AZIN1: variants seen among roughly 807,000 people sequenced by gnomAD.
AZIN1 encodes the protein ornithine decarboxylase antizyme inhibitor.
In AZIN1, 12 loss-of-function variants were observed where a neutral mutation model predicts 47.4. The observed-to-expected ratio is 0.25, with a 90% CI of 0.16 to 0.41. AZIN1 has a LOEUF of 0.41. Among genes scored for constraint, AZIN1 ranks in the 10% least tolerant of loss-of-function variants. The probability of loss-of-function intolerance (pLI) is 1.00; values close to 1 mark genes in which losing one functional copy is unlikely to be tolerated. For missense variants in AZIN1, 410 were observed against 532.4 expected (o/e 0.77, Z 2.26); for synonymous variants, 155 against 176.3 (o/e 0.88, Z 0.96).
chr8:102,861,571 G>T (rs975199999), intron 1 of AZIN1, among the ~76,000 whole-genome samples: 20 of 151,836 alleles, frequency 1.3e-4, no homozygotes, highest in Non-Finnish European at 2.4e-4. Context: ...TCACCTAATG[G>T]GCTACTACTC....
rs943950327 is a variant in AZIN1, at chr8:102,828,757, C to CAGGATTATA, written c.1236-88_1236-80dup. 4.5e-5 allele frequency: 39 copies of CAGGATTATA among 864,654 alleles called. 1 individual carries two copies. Among genetic ancestry groups the CAGGATTATA allele is most frequent in the Non-Finnish European group, 7.1e-5 (39 of 551,450 alleles). The allele number at this position is 864,654 out of a possible 1,614,324, so 53.6% of individuals were successfully genotyped here. ...ATCACATAACAAATGGATAATAAAA[C>CAGGATTATA]AGGATTATAACTAGTCTTCCAAAAA... On this transcript the variant is annotated intron_variant, in intron 11 of 11. Transcript: ENST00000337198.
At chr8:102,833,422 T>C (rs1165105670) in intron 8 of AZIN1, among the ~76,000 whole-genome samples, 1 of 152,190 alleles carries the variant, frequency 6.6e-6, no homozygotes, top group African/African-American at 2.4e-5. Context: ...CAGAATGGCA[T>C]TAATTTTAAA....
At chr8:102,834,560 C>T (rs937619509) in intron 7 of AZIN1, 106 bp downstream of exon 7, 24 of 822,496 alleles carry the variant, frequency 2.9e-5, no homozygotes, top group Non-Finnish European at 4.7e-5. Flanking sequence ...GTGTGTGTCA[C>T]GTTGAATGTA....
intron 3 of AZIN1, among the ~76,000 whole-genome samples, chr8:102,843,184 C>T (rs1175597746): frequency 4.4e-5 from 6 of 136,146 alleles, no homozygotes; most frequent in African/African-American, 1.4e-4. Context: ...CCAGCCTGGG[C>T]GACAGCGTGA....
rs1479011155 is a variant in AZIN1 at position 102,828,633 on chromosome 8, C to G, written c.1281G>C (p.Lys427Asn). The change falls in exon 12 of 12, where the codon AAG (lysine) becomes AAC (asparagine). Residue 427 changes from lysine to asparagine, a missense_variant. Physicochemically the swap from Lys to Asn is moderately conservative, Grantham distance 94. This residue lies in a region of AZIN1 where 168 missense variants were observed against 198.3 expected (regional missense o/e 0.85). Coordinates refer to ENST00000337198, the MANE Select transcript of AZIN1 (RefSeq NM_148174.4). ...TGCAAGAAGGCACAAAGAAGAAGTT[C>G]TTCATCATTGAGTCTGAAGTAATTC... ...DAGITSDSMM[K>N]NFFFVPSCIQ... 1 of 1,611,568 alleles carries G rather than the reference C, an allele frequency of 6.2e-7. No homozygotes were observed. Among genetic ancestry groups the G allele is most frequent in the East Asian group, 2.2e-5 (1 of 44,816 alleles).
chr8:102,861,511 C>A (rs1467715776), intron 1 of AZIN1, among the ~76,000 whole-genome samples: 1 of 151,802 alleles, frequency 6.6e-6, no homozygotes, highest in Admixed American at 6.6e-5. Flanking sequence ...CTTGAGCCAC[C>A]GCGCCCGGCC....
At chr8:102,859,142 ATCAC>A in intron 1 of AZIN1, 1 of 151,688 alleles carries the variant, frequency 6.6e-6, no homozygotes, top group African/African-American at 2.4e-5. Context: ...GGAGAAGCTG[ATCAC>A]ATGCTCAATG....
At chr8:102,846,007 G>A (rs1812546624) in intron 2 of AZIN1, among the ~76,000 whole-genome samples, 1 of 152,174 alleles carries the variant, frequency 6.6e-6, no homozygotes, top group African/African-American at 2.4e-5. Context: ...GATGTTCAAT[G>A]AGGACTTAAT....
chr8:102,828,078 A>G lies in AZIN1; in HGVS notation c.*489T>C, dbSNP rs1458840241. On this transcript the variant is annotated 3_prime_UTR_variant, in exon 12 of 12. Transcript: ENST00000337198. ...AACAAATACTATGATGCAATTTTAC[A>G]TTTATTAAACTACAGTTCAAAGCAC... is the stretch of plus-strand genomic sequence containing the variant. 3 of 152,742 alleles carry G rather than the reference A, an allele frequency of 2.0e-5. No homozygotes were observed. Among genetic ancestry groups the G allele is most frequent in the African/African-American group, 7.2e-5 (3 of 41,476 alleles). The allele number at this position is 152,742 out of a possible 1,614,324, so 9.5% of individuals were successfully genotyped here.
At chr8:102,837,085 ATT>A in intron 5 of AZIN1, among the ~76,000 whole-genome samples, 1 of 151,726 alleles carries the variant, frequency 6.6e-6, no homozygotes. Context: ...CGCCCAGCTA[ATT>A]TTTTTTATTT....
rs1364936747 is a variant in AZIN1, at chr8:102,836,373, G to A, written c.467C>T (p.Ala156Val). 11 of 1,613,840 alleles carry A rather than the reference G, an allele frequency of 6.8e-6. No individual in the cohort carries two copies. The South Asian group carries it at 8.8e-5, about 13-fold the overall frequency. ...HPNAKVLLHIATEDNIGGEEG... is the reference protein window; with the variant it reads ...HPNAKVLLHIVTEDNIGGEEG... ...TTCACCTCCAATATTATCTTCTGTT[G>A]CAATATGTAGTAAGACCCTAAGAGA... is the stretch of plus-strand genomic sequence containing the variant. Residue 156 changes from alanine (A) to valine (V), a missense_variant, in exon 6 of 12, where the codon GCA becomes GTA. Physicochemically the swap from Ala to Val is moderately conservative, Grantham distance 64. Transcript: ENST00000337198.
chr8:102,837,059 C>G (rs1189824248), intron 5 of AZIN1, among the ~76,000 whole-genome samples: 1 of 152,092 alleles, frequency 6.6e-6, no homozygotes, highest in African/African-American at 2.4e-5. Flanking sequence ...GCTGGAAATA[C>G]AAGGGTGCAC....
chr8:102,850,968 G>C (rs1223892514), intron 2 of AZIN1, among the ~76,000 whole-genome samples: 1 of 152,096 alleles, frequency 6.6e-6, no homozygotes, highest in Non-Finnish European at 1.5e-5. Context: ...TTAAAATGTA[G>C]CTTAATGAGA....
Position 102,828,642 on chromosome 8 carries a change from T to G in AZIN1, c.1272A>C (p.Ser424=). Residue 424 remains serine (S), a synonymous_variant, in exon 12 of 12, where the codon TCA becomes TCC. Coordinates refer to ENST00000337198, the MANE Select transcript of AZIN1 (RefSeq NM_148174.4). ...GCACAAAGAAGAAGTTCTTCATCAT[T>G]GAGTCTGAAGTAATTCCAGCATCTT... The part of the protein sequence containing the change: ...EMQDAGITSD[S]MMKNFFFVPS... The G allele has an allele frequency of 1.2e-6, 2 of 1,611,338 alleles. No individual in the cohort carries two copies. Among genetic ancestry groups the G allele is most frequent in the Non-Finnish European group, 1.7e-6 (2 of 1,177,994 alleles).
At chr8:102,831,500 G>A (rs948008462) in intron 9 of AZIN1, among the ~76,000 whole-genome samples, 3 of 151,438 alleles carry the variant, frequency 2.0e-5, no homozygotes, top group East Asian at 3.9e-4. Context: ...AAATCTAGCC[G>A]GGTGTGGTGG....
Position 102,838,988 on chromosome 8 carries a change from T to C in AZIN1, c.277-72A>G, listed in dbSNP as rs548039819. 528 of 1,341,322 alleles carry C rather than the reference T, an allele frequency of 3.9e-4. No individual in the cohort carries two copies. In the Middle Eastern group the frequency reaches 7.9e-3, roughly 20 times the overall value. The allele number at this position is 1,341,322 out of a possible 1,614,324, so 83.1% of individuals were successfully genotyped here. ...ATTCTGGTAATGCTTCCTCTAATAC[T>C]ATTACCCCCACCCCTTTTAAAACCA... On this transcript the variant is annotated intron_variant, in intron 4 of 11. Transcript: ENST00000337198.
At chr8:102,858,189 T>C (rs1261251612) in intron 1 of AZIN1, 39 bp from the exon 2 acceptor site, 2 of 398,504 alleles carry the variant, frequency 5.0e-6, no homozygotes, top group Non-Finnish European at 4.4e-6. Context: ...GATAGTCCTA[T>C]GTTAAAAAAA....
At chr8:102,846,282 G>A (rs1459297425) in intron 2 of AZIN1, among the ~76,000 whole-genome samples, 1 of 152,142 alleles carries the variant, frequency 6.6e-6, no homozygotes, top group African/African-American at 2.4e-5. Flanking sequence ...AGTCTTACTG[G>A]CTGACTACCT....
intron 2 of AZIN1, among the ~76,000 whole-genome samples, chr8:102,847,819 T>C (rs1232857101): frequency 6.6e-6 from 1 of 152,134 alleles, no homozygotes; most frequent in Non-Finnish European, 1.5e-5. Context: ...GGTCTCAAGC[T>C]CCTGGCCTCA....
Sources: allele counts gnomAD v4.1 joint callset (sites outside exome capture counted in the v4.1 genomes callset), GRCh38; gene constraint gnomAD v4.1.1; regional missense constraint gnomAD v4.1.1; transcripts MANE v1.5; gene names NCBI Gene and HGNC (gene_info 2026-07-23, HGNC 2026-07-21).